Variants in CLIP1 observed in about 807,000 individuals in gnomAD.
CLIP1 encodes the protein CAP-Gly domain-containing linker protein 1.
CLIP1 carries 66 observed loss-of-function variants against 161.6 expected under a neutral mutation model. That is an observed-to-expected ratio of 0.41 (90% CI 0.33 to 0.50). CLIP1 has a LOEUF of 0.50. CLIP1 is among the 20% of genes least tolerant of loss of function. The probability of loss-of-function intolerance (pLI) is 0.27; values close to 1 mark genes in which losing one functional copy is unlikely to be tolerated. For missense variants in CLIP1, 1,376 were observed against 1,702.0 expected, an observed-to-expected ratio of 0.81 and a Z score of 3.37; for synonymous variants, 598 against 626.2, an observed-to-expected ratio of 0.96 and a Z score of 0.67.
intron 1 of CLIP1, among the ~76,000 whole-genome samples, chr12:122,394,708 G>A (rs71444553): frequency 0.79 from 118,964 of 151,076 alleles, 47,116 homozygotes; most frequent in East Asian, 0.85. Context: ...CAACATGGTG[G>A]AACCGCATCT....
At chr12:122,358,723 T>C (rs1285385187) in intron 5 of CLIP1, among the ~76,000 whole-genome samples, 1 of 150,230 alleles carries the variant, frequency 6.7e-6, no homozygotes, top group Non-Finnish European at 1.5e-5. Context: ...ACATGGTATT[T>C]CCTCAATAAA....
intron 25 of CLIP1, 129 bp downstream of exon 25, chr12:122,273,909 T>C (rs1592947441): frequency 1.4e-6 from 1 of 697,392 alleles, no homozygotes; most frequent in East Asian, 2.9e-5. Context: ...CTTTTGTATT[T>C]TTAGTAGAGA....
chr12:122,395,712 T>C (rs986804671), intron 1 of CLIP1: 3 of 152,234 alleles, frequency 2.0e-5, no homozygotes, highest in African/African-American at 7.2e-5. Context: ...ACACCAGTCA[T>C]GTACGCATAT....
Position 122,272,660 on chromosome 12 carries a change from T to C in CLIP1, c.*215A>G. On this transcript the variant is annotated 3_prime_UTR_variant, in exon 26 of 26. Transcript: ENST00000620786. ...AAACGTAAAAATCAAGAAAACAAAA[T>C]TCGAGGTGAAAACTCACCTACTAAA... 3.7e-6 allele frequency: 2 copies of C among 536,134 alleles called. No individual in the cohort carries two copies. Among genetic ancestry groups the C allele is most frequent in the South Asian group, 4.9e-5 (2 of 41,026 alleles). 33.2% of individuals were successfully genotyped at this position (536,134 alleles called of 1,614,324 possible).
chr12:122,416,342 A>G (rs1265965552), intron 1 of CLIP1, among the ~76,000 whole-genome samples: 1 of 152,198 alleles, frequency 6.6e-6, no homozygotes, highest in Admixed American at 6.5e-5. Context: ...TATTCTGTAC[A>G]TTACTTAAAA....
intron 3 of CLIP1, chr12:122,365,582 G>A (rs1038833751): frequency 1.6e-5 from 21 of 1,286,206 alleles, no homozygotes; most frequent in Non-Finnish European, 3.4e-6. Flanking sequence ...GAGAACCAAT[G>A]GGAAGGAGCC....
In CLIP1 at chr12:122,323,150, G is replaced by A. The variant is rs1055814499; in HGVS notation, c.3250-3802C>T. ...CTCTGCAAGTAAAGCTCCATTTTGC[G>A]TTTCCAGTGAGGATTTTTCTTTCAA... On this transcript the variant is annotated intron_variant, in intron 17 of 25. Coordinates refer to ENST00000620786, the MANE Select transcript of CLIP1 (RefSeq NM_001247997.2). This position sits in a 1 kb window ranked among gnomAD's most constrained non-coding sequence, Gnocchi z 4.1. 1.3e-5 allele frequency: 2 copies of A among 152,360 alleles called. No individual in the cohort carries two copies. Among genetic ancestry groups the A allele is most frequent in the Non-Finnish European group, 1.5e-5 (1 of 68,002 alleles). The allele number at this position is 152,360 out of a possible 1,614,324, so 9.4% of individuals were successfully genotyped here. A position where few individuals can be genotyped will look rare whatever the true frequency, so the allele number is the denominator to read the frequency against.
intron 1 of CLIP1, among the ~76,000 whole-genome samples, chr12:122,390,279 C>CATACATATAT (rs1555280643): frequency 5.1e-5 from 4 of 79,016 alleles, no homozygotes; most frequent in East Asian, 5.8e-4. Flanking sequence ...TATATATATA[C>CATACATATAT]ATATATATAT....
At chr12:122,321,023 T>TAAAC (rs1354837140) in intron 17 of CLIP1, among the ~76,000 whole-genome samples, 1 of 112,772 alleles carries the variant, frequency 8.9e-6, no homozygotes, top group Admixed American at 8.5e-5. Flanking sequence ...CTGTCTTAAA[T>TAAAC]AAATAAATAA....
chr12:122,355,371 C>T lies in CLIP1; in HGVS notation c.1006-59G>A, dbSNP rs114565074. 1,206 of 1,486,194 alleles carry T rather than the reference C, an allele frequency of 8.1e-4. 6 individuals are homozygous for T. The African/African-American group carries it at 0.012, about 15-fold the overall frequency. The allele number at this position is 1,486,194 out of a possible 1,614,324, so 92.1% of individuals were successfully genotyped here. On this transcript the variant is annotated intron_variant, in intron 5 of 25. Coordinates refer to ENST00000620786, the MANE Select transcript of CLIP1 (RefSeq NM_001247997.2). The surrounding 1 kb of genome is among the most constrained non-coding windows in gnomAD (Gnocchi z 4.1). ...GATGCTGTCAGAAAAGCGAGGGAGG[C>T]GCGATGCATGCATGGCGGGCATCTG...
intron 15 of CLIP1, among the ~76,000 whole-genome samples, chr12:122,332,295 C>CAAAAAAA (rs1184288063): frequency 1.6e-5 from 1 of 61,312 alleles, no homozygotes. Flanking sequence ...AACTCCGTCT[C>CAAAAAAA]AAAAAAAAAA....
chr12:122,365,762 C>T, intron 3 of CLIP1: 2 of 597,096 alleles, frequency 3.3e-6, no homozygotes, highest in Non-Finnish European at 5.8e-6. Flanking sequence ...AATCTCAGCA[C>T]TTTGGGAGGC....
chr12:122,381,593 AG>A (rs1428418328), intron 1 of CLIP1, among the ~76,000 whole-genome samples: 8 of 152,248 alleles, frequency 5.3e-5, no homozygotes, highest in Non-Finnish European at 7.3e-5. Flanking sequence ...CAATTCAAAG[AG>A]AAAAATGCTG....
chr12:122,400,137 G>A (rs1159765211), intron 1 of CLIP1: 1 of 152,120 alleles, frequency 6.6e-6, no homozygotes, highest in Non-Finnish European at 1.5e-5. Flanking sequence ...CTTACACAAC[G>A]CTGGGACCTT....
intron 1 of CLIP1, among the ~76,000 whole-genome samples, chr12:122,398,730 C>T (rs952402902): frequency 2.6e-5 from 4 of 151,556 alleles, no homozygotes; most frequent in Non-Finnish European, 4.4e-5. Flanking sequence ...TTTAATTAGC[C>T]GGGCATGGTG....
chr12:122,372,198 A>G (rs1954486171), intron 3 of CLIP1, among the ~76,000 whole-genome samples: 5 of 151,962 alleles, frequency 3.3e-5, no homozygotes, highest in Admixed American at 3.3e-4. Flanking sequence ...AGGCGAGCAG[A>G]TCACCTGAGG....
intron 7 of CLIP1, 83 bp downstream of exon 7, chr12:122,354,370 G>A (rs1953219348): frequency 2.0e-6 from 2 of 997,010 alleles, no homozygotes; most frequent in Non-Finnish European, 1.6e-6. Flanking sequence ...ACTGCAGCCT[G>A]GGCAACAGAG....
intron 3 of CLIP1, among the ~76,000 whole-genome samples, chr12:122,374,213 T>C (rs1450262094): frequency 1.3e-5 from 2 of 150,334 alleles, no homozygotes; most frequent in African/African-American, 2.5e-5. Context: ...AGCTCACGCC[T>C]GTAACCCCAA....
chr12:122,340,865 C>A lies in CLIP1; in HGVS notation c.2339G>T (p.Arg780Leu), dbSNP rs369102215. 3 of 1,614,182 alleles carry A rather than the reference C, an allele frequency of 1.9e-6. No individual in the cohort carries two copies. The highest frequency in any genetic ancestry group is 1.1e-5 in the South Asian group (1 of 91,074). The change falls in exon 11 of 26, where the codon CGG (arginine) becomes CTG (leucine). Residue 780 changes from arginine to leucine, a missense_variant. Physicochemically the swap from Arg to Leu is moderately radical, Grantham distance 102. Transcript: ENST00000620786. ...EEKLLDLDAL[R>L]KASSEGKSEM... ...CGATTTACCTTCGGAACTGGCTTTCCGAAGTGCATCAAGATCCAAGAGCTT... is the reference window on the plus strand; with the variant it reads ...CGATTTACCTTCGGAACTGGCTTTCAGAAGTGCATCAAGATCCAAGAGCTT...
Sources: allele counts gnomAD v4.1 joint callset (sites outside exome capture counted in the v4.1 genomes callset), GRCh38; gene constraint gnomAD v4.1.1; non-coding constraint Gnocchi (gnomAD v3.1); transcripts MANE v1.5; gene names NCBI Gene and HGNC (gene_info 2026-07-23, HGNC 2026-07-21).